MAF: variants seen among roughly 807,000 people sequenced by gnomAD.
MAF encodes transcription factor Maf.
A neutral mutation model predicts 22.0 loss-of-function variants in MAF; 10 were observed. The ratio of observed to expected loss-of-function variants is 0.45; its 90% CI spans 0.28 to 0.77. The LOEUF is 0.77. Ranked by LOEUF, MAF falls within the 30% of genes least tolerant of loss-of-function variation. The pLI, the probability that MAF is intolerant of heterozygous loss-of-function variation, is 0.12. For missense variants in MAF, 544 were observed against 548.4 expected (o/e 0.99, Z 0.08); for synonymous variants, 337 against 255.8 (o/e 1.32, Z -3.03).
chr16:79,508,036 C>T, the MAF span, among the ~76,000 whole-genome samples: 935 of 152,184 alleles, frequency 6.1e-3, 8 homozygotes, highest in African/African-American at 0.021. Flanking sequence ...GAGACATGGA[C>T]GTGAGGACTA....
At chr16:79,420,991 A>G in the MAF span, among the ~76,000 whole-genome samples, 1 of 151,804 alleles carries the variant, frequency 6.6e-6, no homozygotes, top group Non-Finnish European at 1.5e-5. Flanking sequence ...CTGAGATCGC[A>G]CCACTTCACT....
At chr16:79,443,643 T>C in the MAF span, among the ~76,000 whole-genome samples, 7 of 152,216 alleles carry the variant, frequency 4.6e-5, no homozygotes, top group African/African-American at 1.7e-4. Context: ...CAGGAGCAAA[T>C]GCAGAGATTG....
chr16:79,449,693 T>G, the MAF span, among the ~76,000 whole-genome samples: 1 of 152,096 alleles, frequency 6.6e-6, no homozygotes, highest in Non-Finnish European at 1.5e-5. Flanking sequence ...TTCCAGAAGT[T>G]TTTCCTTTTA....
chr16:79,599,966 C>T lies in MAF; in HGVS notation c.-64G>A, dbSNP rs2143821693. ...AGATGGGCTGCAGGAGAGGGGCCAGCGGGCTGTGCTGGGTGGCCAGCGGGT... is the reference window on the plus strand; with the variant it reads ...AGATGGGCTGCAGGAGAGGGGCCAGTGGGCTGTGCTGGGTGGCCAGCGGGT... On this transcript the variant is annotated 5_prime_UTR_variant, in exon 1 of 2. Coordinates refer to ENST00000326043, the MANE Select transcript of MAF (RefSeq NM_005360.5). 1 of 1,594,178 alleles carries T rather than the reference C, an allele frequency of 6.3e-7. No individual in the cohort carries two copies. The highest frequency in any genetic ancestry group is 1.3e-5 in the African/African-American group (1 of 74,846).
the MAF span, among the ~76,000 whole-genome samples, chr16:79,506,795 A>G: frequency 6.6e-6 from 1 of 152,194 alleles, no homozygotes; most frequent in Non-Finnish European, 1.5e-5. Context: ...GGAGTGAAGA[A>G]GAGAGATGGG....
At chr16:79,258,055 G>A in the MAF span, among the ~76,000 whole-genome samples, 2 of 152,072 alleles carry the variant, frequency 1.3e-5, no homozygotes, top group African/African-American at 2.4e-5. Context: ...AGATAACATC[G>A]CGTCTCAGCT....
At chr16:79,288,628 G>C in the MAF span, among the ~76,000 whole-genome samples, 1 of 152,220 alleles carries the variant, frequency 6.6e-6, no homozygotes, top group Non-Finnish European at 1.5e-5. Context: ...TATAGAAATA[G>C]ATAATAAGCT....
At chr16:79,557,554 C>T in the MAF span, among the ~76,000 whole-genome samples, 2 of 152,046 alleles carry the variant, frequency 1.3e-5, no homozygotes, top group Non-Finnish European at 2.9e-5. Context: ...ACTTACGTGG[C>T]CTTGGGCGTG....
the MAF span, among the ~76,000 whole-genome samples, chr16:79,476,608 C>G: frequency 1.3e-5 from 2 of 152,198 alleles, no homozygotes; most frequent in South Asian, 4.1e-4. Flanking sequence ...TTTCATCTTC[C>G]AAATGAGAGG....
At chr16:79,290,819 A>G in the MAF span, among the ~76,000 whole-genome samples, 1 of 152,108 alleles carries the variant, frequency 6.6e-6, no homozygotes, top group Admixed American at 6.5e-5. Flanking sequence ...CAACTGCATT[A>G]GAGTCACTGA....
At chr16:79,410,731 G>C in the MAF span, among the ~76,000 whole-genome samples, 2 of 152,190 alleles carry the variant, frequency 1.3e-5, no homozygotes, top group Non-Finnish European at 2.9e-5. Context: ...CTCATATAAG[G>C]TTAAAGAGTT....
the MAF span, among the ~76,000 whole-genome samples, chr16:79,383,680 G>T: frequency 6.6e-6 from 1 of 152,170 alleles, no homozygotes; most frequent in Non-Finnish European, 1.5e-5. Flanking sequence ...TTCAAGAGAA[G>T]TTGCTGTAGG....
the MAF span, among the ~76,000 whole-genome samples, chr16:79,471,465 C>T: frequency 6.6e-6 from 1 of 152,150 alleles, no homozygotes; most frequent in African/African-American, 2.4e-5. Context: ...ACAGCTCAGG[C>T]TGGGCAACAT....
At chr16:79,515,044 C>A in the MAF span, among the ~76,000 whole-genome samples, 2 of 152,190 alleles carry the variant, frequency 1.3e-5, no homozygotes, top group African/African-American at 4.8e-5. Flanking sequence ...TCTCTTCAAA[C>A]CTCCGCTCAC....
At chr16:79,542,076 C>T in the MAF span, among the ~76,000 whole-genome samples, 5 of 152,306 alleles carry the variant, frequency 3.3e-5, no homozygotes, top group Admixed American at 6.5e-5. Context: ...GTTCTCCTGA[C>T]TCCAAGCGTT....
the MAF span, among the ~76,000 whole-genome samples, chr16:79,226,146 T>C: frequency 3.9e-5 from 6 of 152,258 alleles, no homozygotes; most frequent in Admixed American, 6.5e-5. Flanking sequence ...CCATCAATGA[T>C]AGACTGGATA....
chr16:79,486,688 G>A, the MAF span, among the ~76,000 whole-genome samples: 4 of 152,288 alleles, frequency 2.6e-5, no homozygotes, highest in African/African-American at 4.8e-5. Context: ...ATGAGTCTCC[G>A]AGACAGAGAG....
the MAF span, among the ~76,000 whole-genome samples, chr16:79,219,175 T>A: frequency 6.6e-6 from 1 of 152,194 alleles, no homozygotes. Context: ...CATGGCTCAT[T>A]CAGATGAGGG....
rs756444937 is a variant in MAF, at chr16:79,599,752, C to A, written c.151G>T (p.Ala51Ser). ...GGGGTGGAGGACAGCGAGCCCCCGG[C>A]GATGAGACGGCCGCACTGGCTGATG... ...RIISQCGRLI[A>S]GGSLSSTPMS... is the part of the protein sequence containing the mutation. The change falls in exon 1 of 2, where the codon GCC becomes TCC. Residue 51 changes from alanine to serine, a missense_variant. This residue lies in a region of MAF where 63 missense variants were observed against 72.7 expected (regional missense o/e 0.87). Coordinates refer to ENST00000326043, the MANE Select transcript of MAF (RefSeq NM_005360.5). The A allele has an allele frequency of 1.2e-6, 2 of 1,612,906 alleles. No individual in the cohort carries two copies. Among genetic ancestry groups the A allele is most frequent in the Non-Finnish European group, 8.5e-7 (1 of 1,179,904 alleles).
Sources: gnomAD v4.1 joint callset for allele counts (sites outside exome capture counted in the v4.1 genomes callset) on GRCh38, gnomAD v4.1.1 for gene constraint, gnomAD v4.1.1 regional missense constraint, MANE v1.5 for transcripts, NCBI Gene and HGNC (gene_info 2026-07-23, HGNC 2026-07-21) for gene names.